Variants in RGS14 observed in about 807,000 individuals in gnomAD.
RGS14 encodes regulator of G-protein signaling 14.
In RGS14, 33 loss-of-function variants were observed where a neutral mutation model predicts 63.8. That is an observed-to-expected ratio of 0.52 (90% CI 0.39 to 0.69). The LOEUF is 0.69. Ranked by LOEUF, RGS14 falls within the 30% of genes least tolerant of loss-of-function variation. The pLI is 0.00. For missense variants in RGS14, 739 were observed against 742.9 expected, an observed-to-expected ratio of 0.99 and a Z score of 0.06; for synonymous variants, 296 against 320.9, an observed-to-expected ratio of 0.92 and a Z score of 0.83.
rs773151481 is a variant in RGS14 at position 177,370,965 on chromosome 5, G to A, written c.1188G>A (p.Leu396=). 2.5e-6 allele frequency: 4 copies of A among 1,607,882 alleles called. No individual in the cohort carries two copies. In the East Asian group the frequency reaches 6.7e-5, roughly 27 times the overall value. Residue 396 remains leucine (L), a synonymous_variant, in exon 11 of 15, where the codon CTG becomes CTA. Transcript: ENST00000408923. ...VRISAKPTKR[L]QEALQPILEK... is the part of the protein sequence containing the mutation. Reference sequence around the variant, plus strand: ...TCTCAGCCAAGCCCACCAAGCGGCTGCAGGAGGCGCTGCAGCCCATTCTGG... The same window carrying A: ...TCTCAGCCAAGCCCACCAAGCGGCTACAGGAGGCGCTGCAGCCCATTCTGG...
chr5:177,367,765 G>A lies in RGS14; in HGVS notation c.679G>A (p.Gly227Arg). 6.2e-7 allele frequency: 1 copy of A among 1,612,890 alleles called. No individual in the cohort carries two copies. ...GCTGCCGCTGGGTGTGGAGGAGTTG[G>A]GGCAGCTGCCACCCGTTGAGGGTCC... ...KSLPLGVEEL[G>R]QLPPVEGPGG... is the part of the protein sequence containing the mutation. The change falls in exon 7 of 15, where the codon GGG (glycine) becomes AGG (arginine). Residue 227 changes from glycine to arginine, a missense_variant. Coordinates refer to ENST00000408923, the MANE Select transcript of RGS14 (RefSeq NM_006480.5).
At chr5:177,360,919 T>G (rs1366929586) in intron 1 of RGS14, among the ~76,000 whole-genome samples, 1 of 152,180 alleles carries the variant, frequency 6.6e-6, no homozygotes, top group Non-Finnish European at 1.5e-5. Context: ...ACTAGCTCCA[T>G]GCACCGTGTT....
chr5:177,367,108 A>C lies in RGS14; in HGVS notation c.483+74A>C, dbSNP rs1022833041. On this transcript the variant is annotated intron_variant, in intron 5 of 14. Coordinates refer to ENST00000408923, the MANE Select transcript of RGS14 (RefSeq NM_006480.5). Reference sequence around the variant, plus strand: ...GGGGCGGGGTCGGACCCTGGCGGGGAGTCTGAACTACAAAGCGGAGGGGGC... The same window carrying C: ...GGGGCGGGGTCGGACCCTGGCGGGGCGTCTGAACTACAAAGCGGAGGGGGC... 5.9e-6 allele frequency: 9 copies of C among 1,522,618 alleles called. No homozygotes were observed. The Admixed American group carries it at 8.0e-5, about 14-fold the overall frequency. The allele number at this position is 1,522,618 out of a possible 1,614,324, so 94.3% of individuals were successfully genotyped here.
Position 177,366,269 on chromosome 5 carries a change from T to C in RGS14, c.160T>C (p.Phe54Leu). 6.3e-7 allele frequency: 1 copy of C among 1,574,874 alleles called. No individual in the cohort carries two copies. Among genetic ancestry groups the C allele is most frequent in the Middle Eastern group, 2.2e-4 (1 of 4,468 alleles). ...HSLPSGPSSP[F>L]PTEEQPVASW... is the part of the protein sequence containing the mutation. ...CCTCCCCAGTGGTCCCAGCAGCCCCTTCCCAACCGAGGAGCAGCCTGTGGC... is the reference window on the plus strand; with the variant it reads ...CCTCCCCAGTGGTCCCAGCAGCCCCCTCCCAACCGAGGAGCAGCCTGTGGC... The change falls in exon 3 of 15, where the codon TTC becomes CTC. Residue 54 changes from phenylalanine to leucine, a missense_variant. Physicochemically the swap from Phe to Leu is conservative, Grantham distance 22 (BLOSUM62 0). Coordinates refer to ENST00000408923, the MANE Select transcript of RGS14 (RefSeq NM_006480.5).
At chr5:177,370,832 T>A in intron 10 of RGS14, 73 bp from the exon 11 acceptor site, 1 of 1,542,432 alleles carries the variant, frequency 6.5e-7, no homozygotes, top group Non-Finnish European at 8.7e-7. Flanking sequence ...CTCCACCCCC[T>A]CGCGTTTGTC....
chr5:177,368,367 C>T (rs1379078449), intron 8 of RGS14, 101 bp downstream of exon 8: 1 of 1,253,934 alleles, frequency 8.0e-7, no homozygotes, highest in Non-Finnish European at 1.1e-6. Context: ...GTCCTTACTG[C>T]GTCTCCCAGC....
chr5:177,372,127 G>A lies in RGS14; in HGVS notation c.*52G>A, dbSNP rs773038914. On this transcript the variant is annotated 3_prime_UTR_variant, in exon 15 of 15. Coordinates refer to ENST00000408923, the MANE Select transcript of RGS14 (RefSeq NM_006480.5). ...GCATGGCACCCGGCGGGCCGAGCAT[G>A]CCATGGGTCCGCTCTGCATGCCCTG... The A allele has an allele frequency of 3.3e-6, 5 of 1,536,526 alleles. No individual in the cohort carries two copies. Among genetic ancestry groups the A allele is most frequent in the Non-Finnish European group, 3.6e-6 (4 of 1,117,818 alleles).
At chr5:177,368,669 G>T in intron 8 of RGS14, 48 bp from the exon 9 acceptor site, 4 of 1,582,252 alleles carry the variant, frequency 2.5e-6, no homozygotes, top group Non-Finnish European at 3.5e-6. Flanking sequence ...CTGTGTGCAT[G>T]CCCTTGCATG....
chr5:177,367,828 G>A lies in RGS14; in HGVS notation c.739+3G>A. 6.4e-7 allele frequency: 1 copy of A among 1,574,762 alleles called. No homozygotes were observed. The highest frequency in any genetic ancestry group is 8.6e-7 in the Non-Finnish European group (1 of 1,161,738). ...TCTCCGCAAGTCCTTCCGCCGGGGT[G>A]AGGGCAGGAGCGAGCAACAGAGATG... is the stretch of plus-strand genomic sequence containing the variant. On this transcript the variant is annotated splice_donor_region_variant and intron_variant, in intron 7 of 14. Transcript: ENST00000408923.
At position 177,371,651 on chromosome 5, in the gene RGS14, G is replaced by T. The variant is rs1409532876; in HGVS notation, c.1498+62G>T. ...GGCAGTGGGGTTGGGGACCATTCAGGGTGGCATCAGAGAGCCTTGAGCTAA... is the reference window on the plus strand; with the variant it reads ...GGCAGTGGGGTTGGGGACCATTCAGTGTGGCATCAGAGAGCCTTGAGCTAA... On this transcript the variant is annotated intron_variant, in intron 14 of 14. Transcript: ENST00000408923. The surrounding 1 kb of genome is among the most constrained non-coding windows in gnomAD (Gnocchi z 6.1). 116 of 1,519,684 alleles carry T rather than the reference G, an allele frequency of 7.6e-5. No homozygotes were observed. The highest frequency in any genetic ancestry group is 9.7e-5 in the Non-Finnish European group (106 of 1,096,232). The allele number at this position is 1,519,684 out of a possible 1,614,324, so 94.1% of individuals were successfully genotyped here. A position where few individuals can be genotyped will look rare whatever the true frequency, so the allele number is the denominator to read the frequency against.
At chr5:177,363,281 A>G (rs1392721297) in intron 1 of RGS14, among the ~76,000 whole-genome samples, 5 of 150,022 alleles carry the variant, frequency 3.3e-5, no homozygotes, top group Non-Finnish European at 7.4e-5. Context: ...CGGGGAGGAC[A>G]GAGCGGGGAG....
At chr5:177,361,405 G>A (rs779603152) in intron 1 of RGS14, among the ~76,000 whole-genome samples, 3 of 152,150 alleles carry the variant, frequency 2.0e-5, no homozygotes, top group African/African-American at 4.8e-5. Flanking sequence ...TTCAAGAGGA[G>A]CCCCTGAGCA....
Position 177,372,120 on chromosome 5 carries a change from C to T in RGS14, c.*45C>T, listed in dbSNP as rs1225048410. ...GACAGCTGCATGGCACCCGGCGGGC[C>T]GAGCATGCCATGGGTCCGCTCTGCA... On this transcript the variant is annotated 3_prime_UTR_variant, in exon 15 of 15. Transcript: ENST00000408923. The T allele has an allele frequency of 1.6e-5, 25 of 1,566,940 alleles. No individual in the cohort carries two copies. The highest frequency in any genetic ancestry group is 3.4e-5 in the Admixed American group (2 of 58,886).
rs1762250203 is a variant in RGS14, at chr5:177,371,092, CGGGGCCGGGGCCGGGGCCG to C, written c.1254+65_1255-51del. The C allele has an allele frequency of 4.6e-6, 4 of 874,734 alleles. No individual in the cohort carries two copies. The African/African-American group carries it at 1.6e-4, about 34-fold the overall frequency. The allele number at this position is 874,734 out of a possible 1,614,324, so 54.2% of individuals were successfully genotyped here. ...GCCGGGCCGGGGCCGGGGCCGGGGC[CGGGGCCGGGGCCGGGGCCG>C]GGGCCGGGGCCGGGCGGAGGCCTGT... On this transcript the variant is annotated intron_variant, in intron 11 of 14. Transcript: ENST00000408923. The surrounding 1 kb of genome is among the most constrained non-coding windows in gnomAD (Gnocchi z 6.1).
At position 177,371,911 on chromosome 5, in the gene RGS14, G is replaced by T; in HGVS notation, c.1537G>T (p.Ala513Ser). The T allele has an allele frequency of 6.2e-7, 1 of 1,613,980 alleles. No individual in the cohort carries two copies. The highest frequency in any genetic ancestry group is 8.5e-7 in the Non-Finnish European group (1 of 1,179,984). Residue 513 changes from alanine (A) to serine (S), a missense_variant, in exon 15 of 15, where the codon GCC becomes TCC. Physicochemically the swap from Ala to Ser is moderately conservative, Grantham distance 99. Coordinates refer to ENST00000408923, the MANE Select transcript of RGS14 (RefSeq NM_006480.5). This position sits in a 1 kb window ranked among gnomAD's most constrained non-coding sequence, Gnocchi z 6.1. ...ELLNRVQSSG[A>S]HDQRGLLRKE... ...GCTGAACCGGGTGCAGAGCAGCGGGGCCCACGACCAGAGGGGCCTTCTGAG... is the reference window on the plus strand; with the variant it reads ...GCTGAACCGGGTGCAGAGCAGCGGGTCCCACGACCAGAGGGGCCTTCTGAG...
Position 177,370,937 on chromosome 5 carries a change from G to A in RGS14, c.1160G>A (p.Arg387Gln). ...LELTALERVVRISAKPTKRLQ... is the reference protein window; with the variant it reads ...LELTALERVVQISAKPTKRLQ... ...CTGACGGCGCTGGAGCGCGTGGTAC[G>A]AATCTCAGCCAAGCCCACCAAGCGG... The change falls in exon 11 of 15, where the codon CGA becomes CAA. Residue 387 changes from arginine to glutamine, a missense_variant. By Grantham distance (43) the Arg-to-Gln change is conservative (BLOSUM62 1). Coordinates refer to ENST00000408923, the MANE Select transcript of RGS14 (RefSeq NM_006480.5). 6.2e-7 allele frequency: 1 copy of A among 1,607,592 alleles called. No homozygotes were observed. Among genetic ancestry groups the A allele is most frequent in the Non-Finnish European group, 8.5e-7 (1 of 1,179,682 alleles).
At chr5:177,361,659 A>C (rs1761968559) in intron 1 of RGS14, among the ~76,000 whole-genome samples, 1 of 152,098 alleles carries the variant, frequency 6.6e-6, no homozygotes, top group South Asian at 2.1e-4. Context: ...GATACCCGTA[A>C]AGATGGAGGG....
At chr5:177,366,146 G>A in intron 2 of RGS14, 31 bp from the exon 3 acceptor site, 1 of 1,601,230 alleles carries the variant, frequency 6.2e-7, no homozygotes, top group Non-Finnish European at 8.5e-7. Context: ...AAGGCAGCAA[G>A]GCTCACCCCA....
Position 177,359,592 on chromosome 5 carries a change from G to A in RGS14, c.45+1523G>A, listed in dbSNP as rs1265591713. Among the ~76,000 whole-genome samples the A allele has an allele frequency of 6.6e-6, 1 of 152,294 alleles. No homozygotes were observed. The highest frequency in any genetic ancestry group is 2.1e-4 in the South Asian group (1 of 4,834). ...CCTAGAGCAGGGAGGGTGCCCCAAG[G>A]TCTGCCCCCAGTTCCATCAAGCCCA... On this transcript the variant is annotated intron_variant, in intron 1 of 14. Transcript: ENST00000408923. The surrounding 1 kb of genome is among the most constrained non-coding windows in gnomAD (Gnocchi z 4.4).
Sources: allele counts gnomAD v4.1 joint callset (sites outside exome capture counted in the v4.1 genomes callset), GRCh38; gene constraint gnomAD v4.1.1; non-coding constraint Gnocchi (gnomAD v3.1); transcripts MANE v1.5; gene names NCBI Gene and HGNC (gene_info 2026-07-23, HGNC 2026-07-21).